Variants in PHF2 observed in about 807,000 individuals in gnomAD.
PHF2 encodes the protein lysine-specific demethylase PHF2.
Under a neutral mutation model 120.5 loss-of-function variants are expected in PHF2, and 27 were observed. The ratio of observed to expected loss-of-function variants is 0.22; its 90% CI spans 0.17 to 0.31. PHF2 has a LOEUF of 0.31. Among genes scored for constraint, PHF2 ranks in the 10% least tolerant of loss-of-function variants. The pLI is 1.00. For synonymous variants in PHF2, 568 were observed against 592.5 expected (o/e 0.96, Z 0.60); for missense variants, 1,024 against 1,434.8 (o/e 0.71, Z 4.63).
chr9:93,662,394 A>AGTGG (rs1304041741), intron 12 of PHF2, among the ~76,000 whole-genome samples: 2 of 150,418 alleles, frequency 1.3e-5, no homozygotes. Context: ...TAAATGGATG[A>AGTGG]GTGGATGGAT....
intron 2 of PHF2, among the ~76,000 whole-genome samples, chr9:93,635,263 G>A (rs1332566484): frequency 6.6e-6 from 1 of 152,066 alleles, no homozygotes; most frequent in Non-Finnish European, 1.5e-5. Flanking sequence ...ATCCTGCTCA[G>A]AGACAGGCAT....
In PHF2 at chr9:93,667,070, C is replaced by T. The variant is rs778862689; in HGVS notation, c.2188-10C>T. ...CTCCCCTGACCGAAGCCCTGTCCCT[C>T]GCGCAGCAGAGTGATGACTCCTCGG... On this transcript the variant is annotated splice_polypyrimidine_tract_variant and intron_variant, in intron 16 of 21. Transcript: ENST00000359246. 1.1e-5 allele frequency: 17 copies of T among 1,608,742 alleles called. No homozygotes were observed. The highest frequency in any genetic ancestry group is 2.2e-5 in the South Asian group (2 of 90,602).
At chr9:93,647,057 A>G (rs553347058) in intron 4 of PHF2, among the ~76,000 whole-genome samples, 3 of 152,176 alleles carry the variant, frequency 2.0e-5, no homozygotes, top group Non-Finnish European at 2.9e-5. Context: ...AGAGGGGGCC[A>G]TGGCCATCAG....
At chr9:93,588,429 C>T (rs556952566) in intron 1 of PHF2, among the ~76,000 whole-genome samples, 30 of 152,278 alleles carry the variant, frequency 2.0e-4, no homozygotes, top group African/African-American at 7.0e-4. Flanking sequence ...CACAGCCCTT[C>T]TTAAAGTTAA....
intron 14 of PHF2, among the ~76,000 whole-genome samples, chr9:93,664,845 C>T (rs764595854): frequency 6.6e-5 from 10 of 152,236 alleles, no homozygotes; most frequent in Non-Finnish European, 1.5e-4. Flanking sequence ...GTGTGTTCTG[C>T]GGCCCAGCCC....
At chr9:93,655,776 A>G (rs543785349) in intron 7 of PHF2, among the ~76,000 whole-genome samples, 158 bp from the exon 8 acceptor site, 16 of 152,306 alleles carry the variant, frequency 1.1e-4, no homozygotes, top group Non-Finnish European at 1.5e-4. Context: ...GAAGCCGCAG[A>G]GGTGGACAGG....
chr9:93,623,837 C>G (rs1226205517), intron 1 of PHF2, among the ~76,000 whole-genome samples: 1 of 152,236 alleles, frequency 6.6e-6, no homozygotes, highest in Non-Finnish European at 1.5e-5. Flanking sequence ...GCTTCATGCT[C>G]TGTTCCCAGA....
At chr9:93,647,801 A>C (rs1167787188) in intron 4 of PHF2, among the ~76,000 whole-genome samples, 1 of 152,170 alleles carries the variant, frequency 6.6e-6, no homozygotes, top group Non-Finnish European at 1.5e-5. Flanking sequence ...AGGCAGAAGA[A>C]TCACCTGAAT....
At position 93,675,782 on chromosome 9, in the gene PHF2, C is replaced by A; in HGVS notation, c.2825C>A (p.Ser942Tyr). The A allele has an allele frequency of 6.2e-7, 1 of 1,609,750 alleles. No homozygotes were observed. The highest frequency in any genetic ancestry group is 1.1e-5 in the South Asian group (1 of 91,032). Residue 942 changes from serine to tyrosine, a missense_variant, in exon 20 of 22, where the codon TCC becomes TAC. Coordinates refer to ENST00000359246, the MANE Select transcript of PHF2 (RefSeq NM_005392.4). ...CTGGCGGCTGCTGCAGCTAAGTTGT[C>A]CCAGCAGGTGAGGAGGGGCGAGAAG... ...TGLAAAAAKL[S>Y]QQEEQKSKKK...
rs1280332844 is a variant in PHF2 at position 93,576,604 on chromosome 9, C to T, written c.-170C>T. 1.4e-5 allele frequency: 2 copies of T among 145,974 alleles called. No homozygotes were observed. The highest frequency in any genetic ancestry group is 3.0e-5 in the Non-Finnish European group (2 of 66,516). 9.0% of individuals were successfully genotyped at this position (145,974 alleles called of 1,614,324 possible). On this transcript the variant is annotated 5_prime_UTR_variant, in exon 1 of 22. Transcript: ENST00000359246. Reference sequence around the variant, plus strand: ...CCGGCATTGTGTGGACGCGCCTGGCCGGGAGCGCGCGCGGGGGCTGTCGTG... The same window carrying T: ...CCGGCATTGTGTGGACGCGCCTGGCTGGGAGCGCGCGCGGGGGCTGTCGTG...
chr9:93,579,188 G>A (rs889875546), intron 1 of PHF2, among the ~76,000 whole-genome samples: 2 of 152,130 alleles, frequency 1.3e-5, no homozygotes, highest in African/African-American at 2.4e-5. Context: ...ACCAGACCCC[G>A]GGGTTTCTCC....
At chr9:93,633,517 G>A (rs984247464) in intron 2 of PHF2, among the ~76,000 whole-genome samples, 5 of 152,226 alleles carry the variant, frequency 3.3e-5, no homozygotes, top group African/African-American at 1.2e-4. Flanking sequence ...GTCTCAGTGG[G>A]TGTGTTGTCA....
rs1448245700 is a variant in PHF2 at position 93,645,636 on chromosome 9, G to A, written c.307G>A (p.Asp103Asn). The change falls in exon 4 of 22, where the codon GAC becomes AAC. Residue 103 changes from aspartate (D) to asparagine (N), a missense_variant. This residue lies in a region of PHF2 where 347 missense variants were observed against 577.4 expected (regional missense o/e 0.60). Coordinates refer to ENST00000359246, the MANE Select transcript of PHF2 (RefSeq NM_005392.4). ...LRSRTFPSAEDVVARVPGSQL... is the reference protein window; with the variant it reads ...LRSRTFPSAENVVARVPGSQL... ...ACCTGTGCTTCCCTGCAGTGCTGAA[G>A]ACGTGGTGGCCCGTGTGCCAGGAAG... The A allele has an allele frequency of 1.3e-6, 2 of 1,596,578 alleles. No individual in the cohort carries two copies. The highest frequency in any genetic ancestry group is 1.7e-6 in the Non-Finnish European group (2 of 1,169,552).
chr9:93,661,562 G>T (rs1294304601), intron 12 of PHF2, among the ~76,000 whole-genome samples: 3 of 152,212 alleles, frequency 2.0e-5, no homozygotes, highest in African/African-American at 7.2e-5. Context: ...TGAACGAATT[G>T]ATGGATGGGT....
chr9:93,602,177 A>ATTG (rs1825452299), intron 1 of PHF2, among the ~76,000 whole-genome samples: 1 of 148,644 alleles, frequency 6.7e-6, no homozygotes, highest in Admixed American at 6.7e-5. Context: ...AAGTATGTAA[A>ATTG]TTCTTCGTTG....
At chr9:93,662,799 C>A in intron 12 of PHF2, 108 bp from the exon 13 acceptor site, 1 of 1,354,978 alleles carries the variant, frequency 7.4e-7, no homozygotes, top group South Asian at 1.3e-5. Flanking sequence ...TGGATGGAGG[C>A]TTGAGCTGCA....
intron 3 of PHF2, among the ~76,000 whole-genome samples, chr9:93,639,796 G>A (rs1826147633): frequency 6.6e-6 from 1 of 152,196 alleles, no homozygotes; most frequent in Non-Finnish European, 1.5e-5. Context: ...AGAAGTGGAA[G>A]TCCTGCTCTC....
rs1826949400 is a variant in PHF2 at position 93,677,889 on chromosome 9, T to G, written c.*213T>G. The G allele has an allele frequency of 3.5e-6, 2 of 564,534 alleles. No homozygotes were observed. The highest frequency in any genetic ancestry group is 1.9e-5 in the African/African-American group (1 of 53,072). 35.0% of individuals were successfully genotyped at this position (564,534 alleles called of 1,614,324 possible). A position where few individuals can be genotyped will look rare whatever the true frequency, so the allele number is the denominator to read the frequency against. The stretch of plus-strand genomic sequence containing the variant: ...AAATGGACGTCTTTTCTCAAGTTGC[T>G]AAGAGTGATCTGTCCCAGAAAAGCG... On this transcript the variant is annotated 3_prime_UTR_variant, in exon 22 of 22. Coordinates refer to ENST00000359246, the MANE Select transcript of PHF2 (RefSeq NM_005392.4). The surrounding 1 kb of genome is among the most constrained non-coding windows in gnomAD (Gnocchi z 4.4).
rs771837844 is a variant in PHF2 at position 93,677,670 on chromosome 9, C to T, written c.3285C>T (p.Leu1095=). 1 of 1,612,520 alleles carries T rather than the reference C, an allele frequency of 6.2e-7. No homozygotes were observed. The highest frequency in any genetic ancestry group is 1.7e-5 in the Admixed American group (1 of 60,008). ...AAATTCATCGGAACGGGAAACTACT[C>T]CTTTAAGATTTGGAAAGCCAGGATC... ...ILKIHRNGKL[L]L Residue 1095 remains leucine, a synonymous_variant, in exon 22 of 22, where the codon CTC becomes CTT. Coordinates refer to ENST00000359246, the MANE Select transcript of PHF2 (RefSeq NM_005392.4). This position sits in a 1 kb window ranked among gnomAD's most constrained non-coding sequence, Gnocchi z 4.4.
Sources: allele counts gnomAD v4.1 joint callset (sites outside exome capture counted in the v4.1 genomes callset), GRCh38; gene constraint gnomAD v4.1.1; regional missense constraint gnomAD v4.1.1; non-coding constraint Gnocchi (gnomAD v3.1); transcripts MANE v1.5; gene names NCBI Gene and HGNC (gene_info 2026-07-23, HGNC 2026-07-21).